FCMR: variants seen among roughly 807,000 people sequenced by gnomAD.
FCMR encodes Fc mu receptor, also known as immunoglobulin mu Fc receptor.
In FCMR, 34 loss-of-function variants were observed where a neutral mutation model predicts 41.6. That is an observed-to-expected ratio of 0.82 (90% CI 0.62 to 1.09). The LOEUF is 1.09. FCMR is among the 50% of genes least tolerant of loss of function. The probability of loss-of-function intolerance (pLI) is 0.00; values close to 1 mark genes in which losing one functional copy is unlikely to be tolerated. For synonymous variants in FCMR, 209 were observed against 211.8 expected, an observed-to-expected ratio of 0.99 and a Z score of 0.12; for missense variants, 496 against 512.5, an observed-to-expected ratio of 0.97 and a Z score of 0.31.
chr1:206,915,846 C>T (rs1250904204), intron 1 of FCMR, among the ~76,000 whole-genome samples: 2 of 152,088 alleles, frequency 1.3e-5, no homozygotes, highest in South Asian at 2.1e-4. Context: ...TTAAGAAGAG[C>T]ACTATCGAGT....
In FCMR at chr1:206,904,903, A is replaced by C; in HGVS notation, c.*116T>G. ...ATGGGGATGGGAGTCGAGATGGGGC[A>C]TGGGAAGTGATGAGGGCTCTGAGAA... On this transcript the variant is annotated 3_prime_UTR_variant, in exon 8 of 8. Transcript: ENST00000367091. 9.2e-7 allele frequency: 1 copy of C among 1,089,934 alleles called. No individual in the cohort carries two copies. The highest frequency in any genetic ancestry group is 1.7e-5 in the Admixed American group (1 of 57,242). 67.5% of individuals were successfully genotyped at this position (1,089,934 alleles called of 1,614,324 possible). A position where few individuals can be genotyped will look rare whatever the true frequency, so the allele number is the denominator to read the frequency against.
intron 7 of FCMR, 33 bp from the exon 8 acceptor site, chr1:206,905,180 G>T (rs1287718912): frequency 6.2e-7 from 1 of 1,612,400 alleles, no homozygotes; most frequent in South Asian, 1.1e-5. Context: ...CACTGGATCT[G>T]GGTAGGGTGA....
At position 206,909,917 on chromosome 1, in the gene FCMR, C is replaced by G. The variant is rs1368110032; in HGVS notation, c.842-49G>C. 1 of 1,368,292 alleles carries G rather than the reference C, an allele frequency of 7.3e-7. No individual in the cohort carries two copies. Among genetic ancestry groups the G allele is most frequent in the Non-Finnish European group, 9.4e-7 (1 of 1,062,294 alleles). 84.8% of individuals were successfully genotyped at this position (1,368,292 alleles called of 1,614,324 possible). ...AGGGAGGAAAATGGCATCAGAGGCC[C>G]GTGCCACCCTCCCCAAACGAAAGGC... On this transcript the variant is annotated intron_variant, in intron 5 of 7. Coordinates refer to ENST00000367091, the MANE Select transcript of FCMR (RefSeq NM_005449.5). The surrounding 1 kb of genome is among the most constrained non-coding windows in gnomAD (Gnocchi z 5.0).
intron 7 of FCMR, among the ~76,000 whole-genome samples, chr1:206,907,091 G>A (rs1572616174): frequency 1.7e-5 from 1 of 59,582 alleles, no homozygotes; most frequent in Non-Finnish European, 3.2e-5. Flanking sequence ...GGGGGGTGGG[G>A]GGGTGGGGGG....
At chr1:206,906,115 C>T in intron 7 of FCMR, 1 of 467,534 alleles carries the variant, frequency 2.1e-6, no homozygotes, top group Non-Finnish European at 4.3e-6. Flanking sequence ...GTTGGTAGCA[C>T]TCCACTTAGA....
chr1:206,911,980 G>A, intron 3 of FCMR, 28 bp from the exon 4 acceptor site: 2 of 1,546,144 alleles, frequency 1.3e-6, no homozygotes, highest in Non-Finnish European at 1.8e-6. Context: ...AAAAAGGGAT[G>A]TTCCTTTTAT....
intron 4 of FCMR, among the ~76,000 whole-genome samples, chr1:206,911,269 T>G (rs569010449): frequency 6.6e-6 from 1 of 152,030 alleles, no homozygotes; most frequent in Admixed American, 6.5e-5. Flanking sequence ...CTATAATGCT[T>G]CCCCCTAGTG....
chr1:206,907,127 G>C (rs1678698237), intron 7 of FCMR, among the ~76,000 whole-genome samples: 1 of 144,446 alleles, frequency 6.9e-6, no homozygotes, highest in Non-Finnish European at 1.5e-5. Context: ...GGGCGGGGTG[G>C]GGACTGCGCA....
chr1:206,911,414 A>G (rs1678935808), intron 4 of FCMR, among the ~76,000 whole-genome samples: 1 of 152,154 alleles, frequency 6.6e-6, no homozygotes. Context: ...GGTGAAAGTA[A>G]TTTTATATTA....
At chr1:206,920,348 G>T (rs1183978694) in intron 1 of FCMR, among the ~76,000 whole-genome samples, 1 of 151,820 alleles carries the variant, frequency 6.6e-6, no homozygotes, top group Non-Finnish European at 1.5e-5. Context: ...CCAGCTACTT[G>T]GGAAGCTAAG....
At chr1:206,913,172 A>G in intron 2 of FCMR, 130 bp from the exon 3 acceptor site, 1 of 725,464 alleles carries the variant, frequency 1.4e-6, no homozygotes, top group Non-Finnish European at 2.5e-6. Flanking sequence ...AAAGAAGCAG[A>G]GAAGGAGCTG....
At position 206,909,322 on chromosome 1, in the gene FCMR, T is replaced by C; in HGVS notation, c.1044+140A>G. 2.3e-6 allele frequency: 1 copy of C among 429,286 alleles called. No individual in the cohort carries two copies. Among genetic ancestry groups the C allele is most frequent in the East Asian group, 3.6e-5 (1 of 28,066 alleles). The allele number at this position is 429,286 out of a possible 1,614,324, so 26.6% of individuals were successfully genotyped here. On this transcript the variant is annotated intron_variant, in intron 7 of 7. Transcript: ENST00000367091. The surrounding 1 kb of genome is among the most constrained non-coding windows in gnomAD (Gnocchi z 5.0). Reference sequence around the variant, plus strand: ...AAACTAAAACAACTTGTTCCTCGGCTCAGGGCCCAGGAGCTGCTGGGAAAC... The same window carrying C: ...AAACTAAAACAACTTGTTCCTCGGCCCAGGGCCCAGGAGCTGCTGGGAAAC...
intron 5 of FCMR, 75 bp downstream of exon 5, chr1:206,910,135 A>G: frequency 1.4e-6 from 2 of 1,420,968 alleles, no homozygotes; most frequent in Non-Finnish European, 1.9e-6. Flanking sequence ...TTCCCATGGA[A>G]GTTCAAAAGG....
At position 206,909,303 on chromosome 1, in the gene FCMR, A is replaced by G. The variant is rs1327379995; in HGVS notation, c.1044+159T>C. 6.6e-6 allele frequency among the ~76,000 whole-genome samples: 1 copy of G among 152,188 alleles called. No individual in the cohort carries two copies. The highest frequency in any genetic ancestry group is 1.5e-5 in the Non-Finnish European group (1 of 68,028). On this transcript the variant is annotated intron_variant, in intron 7 of 7. Transcript: ENST00000367091. This position sits in a 1 kb window ranked among gnomAD's most constrained non-coding sequence, Gnocchi z 5.0. The stretch of plus-strand genomic sequence containing the variant: ...CTGACACCAAACAAGGAGGAAACTA[A>G]AACAACTTGTTCCTCGGCTCAGGGC...
intron 1 of FCMR, chr1:206,921,398 C>A: frequency 2.2e-6 from 1 of 448,806 alleles, no homozygotes; most frequent in South Asian, 1.6e-5. Context: ...GCCACAAGTT[C>A]AAGACCATCC....
At chr1:206,919,419 G>T (rs147580776) in intron 1 of FCMR, among the ~76,000 whole-genome samples, 1 of 152,040 alleles carries the variant, frequency 6.6e-6, no homozygotes. Context: ...AACATGGTGA[G>T]ACCCTATCTC....
chr1:206,918,650 AGTGTGTGTGTGTGTGTGT>A (rs10652847), intron 1 of FCMR, among the ~76,000 whole-genome samples: 2 of 145,880 alleles, frequency 1.4e-5, no homozygotes, highest in South Asian at 4.5e-4. Context: ...ATAAATTTTA[AGTGTGTGTGTGTGTGTGT>A]GTGTGTGTGT....
intron 7 of FCMR, 31 bp from the exon 8 acceptor site, chr1:206,905,178 C>T (rs1678571841): frequency 1.2e-6 from 2 of 1,613,254 alleles, no homozygotes; most frequent in Non-Finnish European, 1.7e-6. Flanking sequence ...ATCACTGGAT[C>T]TGGGTAGGGT....
chr1:206,907,772 T>G (rs1572617480), intron 7 of FCMR: 1 of 1,267,970 alleles, frequency 7.9e-7, no homozygotes, highest in East Asian at 2.3e-5. Context: ...CAGAAACAAG[T>G]TGAAGTACCT....
Sources: gnomAD v4.1 joint callset for allele counts (sites outside exome capture counted in the v4.1 genomes callset) on GRCh38, gnomAD v4.1.1 for gene constraint, Gnocchi (gnomAD v3.1) non-coding constraint, MANE v1.5 for transcripts, NCBI Gene and HGNC (gene_info 2026-07-23, HGNC 2026-07-21) for gene names.